The following SLC8A1 variants were observed in gnomAD, a reference collection of about 807,000 sequenced individuals.
The protein encoded by SLC8A1 is sodium/calcium exchanger 1.
SLC8A1 carries 18 observed loss-of-function variants against 68.3 expected under a neutral mutation model. That is an observed-to-expected ratio of 0.26 (90% CI 0.18 to 0.39). The LOEUF (loss-of-function observed/expected upper bound fraction) is 0.39. Ranked by LOEUF, SLC8A1 falls within the 10% of genes least tolerant of loss-of-function variation. SLC8A1 has a pLI of 1.00. For missense variants in SLC8A1, 985 were observed against 1,156.7 expected, an observed-to-expected ratio of 0.85 and a Z score of 2.15; for synonymous variants, 475 against 415.5, an observed-to-expected ratio of 1.14 and a Z score of -1.74.
chr2:40,196,552 G>C (rs2053071719), intron 2 of SLC8A1, among the ~76,000 whole-genome samples: 1 of 151,954 alleles, frequency 6.6e-6, no homozygotes, highest in Non-Finnish European at 1.5e-5. Context: ...TGCATGCGTA[G>C]ATGAAAGGTG....
At chr2:40,286,272 G>A (rs894875467) in intron 2 of SLC8A1, among the ~76,000 whole-genome samples, 2 of 152,126 alleles carry the variant, frequency 1.3e-5, no homozygotes, top group Admixed American at 6.6e-5. Flanking sequence ...CAGGTTCACA[G>A]GAAGGCATCT....
chr2:40,268,195 TC>T (rs1002694376), intron 2 of SLC8A1, among the ~76,000 whole-genome samples: 18 of 152,042 alleles, frequency 1.2e-4, no homozygotes, highest in Non-Finnish European at 1.8e-4. Context: ...TGTGTTTCTT[TC>T]CCCTCCAGTG....
chr2:40,440,865 G>T (rs542777522), intron 1 of SLC8A1, among the ~76,000 whole-genome samples: 1 of 152,216 alleles, frequency 6.6e-6, no homozygotes, highest in South Asian at 2.1e-4. Flanking sequence ...TTGAAAACTG[G>T]CACAAGACAA....
At chr2:40,473,117 G>A (rs539461969) in intron 1 of SLC8A1, among the ~76,000 whole-genome samples, 4 of 152,238 alleles carry the variant, frequency 2.6e-5, no homozygotes, top group African/African-American at 2.4e-5. Context: ...CGAGTATAGT[G>A]TTCCCTGGCT....
chr2:40,121,762 T>C, intron 7 of SLC8A1, among the ~76,000 whole-genome samples: 1 of 152,172 alleles, frequency 6.6e-6, no homozygotes, highest in East Asian at 1.9e-4. Flanking sequence ...CCATACATGG[T>C]AGGGAATTCT....
At chr2:40,360,769 G>C (rs1299325898) in intron 2 of SLC8A1, among the ~76,000 whole-genome samples, 1 of 152,120 alleles carries the variant, frequency 6.6e-6, no homozygotes, top group East Asian at 1.9e-4. Flanking sequence ...TACTCCATGA[G>C]ACTCTAGTTC....
At chr2:40,111,056 T>C (rs933483211) in exon 8 of SLC8A1, 5 of 152,186 alleles carry the variant, frequency 3.3e-5, no homozygotes, top group African/African-American at 1.2e-4. Context: ...GGGAAAGGCA[T>C]GCATCAGAAT....
At chr2:40,337,041 T>C (rs1666190026) in intron 2 of SLC8A1, among the ~76,000 whole-genome samples, 1 of 152,148 alleles carries the variant, frequency 6.6e-6, no homozygotes, top group South Asian at 2.1e-4. Context: ...TGTAATGCAC[T>C]TCTAGAAGCC....
At chr2:40,188,844 G>C (rs773455655) in intron 2 of SLC8A1, among the ~76,000 whole-genome samples, 1 of 152,156 alleles carries the variant, frequency 6.6e-6, no homozygotes, top group Non-Finnish European at 1.5e-5. Flanking sequence ...ATCTCTGTCT[G>C]CATGTACTCT....
chr2:40,197,222 C>T (rs1196076152), intron 2 of SLC8A1, among the ~76,000 whole-genome samples: 1 of 152,070 alleles, frequency 6.6e-6, no homozygotes, highest in African/African-American at 2.4e-5. Flanking sequence ...TAGTGATATC[C>T]CTCCTGATAA....
chr2:40,283,517 G>C (rs1009891083), intron 2 of SLC8A1, among the ~76,000 whole-genome samples: 1 of 152,166 alleles, frequency 6.6e-6, no homozygotes, highest in Admixed American at 6.5e-5. Context: ...GCTGCCAATA[G>C]CACTGAGAAG....
At chr2:40,229,775 TG>T (rs1454008074) in intron 2 of SLC8A1, among the ~76,000 whole-genome samples, 1 of 152,346 alleles carries the variant, frequency 6.6e-6, no homozygotes, top group East Asian at 1.9e-4. Context: ...TCTTACTTTT[TG>T]CCTTCCTGTA....
At chr2:40,153,210 G>A (rs2043790271) in intron 6 of SLC8A1, among the ~76,000 whole-genome samples, 1 of 152,136 alleles carries the variant, frequency 6.6e-6, no homozygotes, top group South Asian at 2.1e-4. Context: ...CGGAAAGCAA[G>A]TTGGCATTTT....
intron 6 of SLC8A1, among the ~76,000 whole-genome samples, chr2:40,142,965 TGAGAGC>T (rs2041856473): frequency 6.6e-6 from 1 of 151,558 alleles, no homozygotes; most frequent in African/African-American, 2.4e-5. Context: ...TGTGTGTGTG[TGAGAGC>T]GAGAGAGAGA....
rs184201547 is a variant in SLC8A1 at position 40,232,028 on chromosome 2, G to T, written c.1809-54173C>A. ...TAATAAAATCCAATAGAATGGGGCT[G>T]TGTCCTAAGATGAAGCAGGCCAGGA... On this transcript the variant is annotated intron_variant, in intron 2 of 7. Transcript: ENST00000406785. Among the ~76,000 whole-genome samples, 4 of 152,212 alleles carry T rather than the reference G, an allele frequency of 2.6e-5. No individual in the cohort carries two copies. In the East Asian group the frequency reaches 7.7e-4, roughly 29 times the overall value.
At chr2:40,152,267 C>T (rs1032354260) in intron 6 of SLC8A1, among the ~76,000 whole-genome samples, 6 of 152,126 alleles carry the variant, frequency 3.9e-5, no homozygotes. Flanking sequence ...TCTGGTGCAG[C>T]AAACAACCTT....
chr2:40,353,608 T>G (rs1201138377), intron 2 of SLC8A1, among the ~76,000 whole-genome samples: 1 of 152,062 alleles, frequency 6.6e-6, no homozygotes, highest in Non-Finnish European at 1.5e-5. Flanking sequence ...CTGTGGTAAA[T>G]TTTAAGCATG....
chr2:40,299,476 A>C (rs2071024953), intron 2 of SLC8A1, among the ~76,000 whole-genome samples: 1 of 152,142 alleles, frequency 6.6e-6, no homozygotes, highest in Non-Finnish European at 1.5e-5. Context: ...TCTTGAGTTG[A>C]AGGAGCCCTG....
At chr2:40,156,783 T>G (rs140304826) in intron 6 of SLC8A1, among the ~76,000 whole-genome samples, 156 of 152,340 alleles carry the variant, frequency 1.0e-3, no homozygotes, top group African/African-American at 3.5e-3. Context: ...TCTTTGTCTT[T>G]GTATGTGTGT....
Sources: gnomAD v4.1 joint callset for allele counts (sites outside exome capture counted in the v4.1 genomes callset) on GRCh38, gnomAD v4.1.1 for gene constraint, MANE v1.5 for transcripts, NCBI Gene and HGNC (gene_info 2026-07-23, HGNC 2026-07-21) for gene names.